The following PSMA8 variants were observed in gnomAD, a reference collection of about 807,000 sequenced individuals.
PSMA8 encodes the protein proteasome 20S subunit alpha 8.
A neutral mutation model predicts 32.4 loss-of-function variants in PSMA8; 18 were observed. That is an observed-to-expected ratio of 0.56 (90% CI 0.38 to 0.82). The LOEUF (loss-of-function observed/expected upper bound fraction) is 0.82, where lower values mean the gene tolerates loss of function less well. Among genes scored for constraint, PSMA8 ranks in the 40% least tolerant of loss-of-function variants. PSMA8 has a pLI of 0.00. For synonymous variants in PSMA8, 104 were observed against 98.1 expected (o/e 1.06, Z -0.36); for missense variants, 298 against 300.7 (o/e 0.99, Z 0.07).
chr18:26,173,400 G>GT (rs1345887662), intron 4 of PSMA8, among the ~76,000 whole-genome samples: 5 of 152,096 alleles, frequency 3.3e-5, no homozygotes, highest in Admixed American at 3.3e-4. Context: ...TTCTAGCACT[G>GT]TAGCCCATTC....
At chr18:26,149,332 C>T (rs746324788) in intron 2 of PSMA8, among the ~76,000 whole-genome samples, 5 of 152,098 alleles carry the variant, frequency 3.3e-5, no homozygotes, top group East Asian at 1.9e-4. Flanking sequence ...AAAGACATCC[C>T]GCATTCATGG....
chr18:26,161,253 G>A (rs889714629), intron 4 of PSMA8, among the ~76,000 whole-genome samples: 8 of 152,168 alleles, frequency 5.3e-5, no homozygotes, highest in African/African-American at 1.9e-4. Flanking sequence ...AGATTTACAA[G>A]TGGGCCATTA....
At chr18:26,151,699 C>A in intron 2 of PSMA8, 159 bp from the exon 3 acceptor site, 2 of 548,018 alleles carry the variant, frequency 3.6e-6, no homozygotes, top group Non-Finnish European at 6.0e-6. Context: ...GAATGTAGGA[C>A]AAATGACACT....
chr18:26,154,209 A>G (rs1027951661), intron 3 of PSMA8, among the ~76,000 whole-genome samples: 8 of 152,016 alleles, frequency 5.3e-5, no homozygotes, highest in Admixed American at 2.0e-4. Context: ...GTCAAATTTT[A>G]CCATTTGTTT....
intron 1 of PSMA8, among the ~76,000 whole-genome samples, chr18:26,139,007 T>A (rs2054934078): frequency 6.6e-6 from 1 of 152,168 alleles, no homozygotes; most frequent in South Asian, 2.1e-4. Flanking sequence ...CAGACAGACT[T>A]TAAAATGGCC....
At chr18:26,143,421 A>G (rs933080425) in intron 1 of PSMA8, among the ~76,000 whole-genome samples, 1 of 152,220 alleles carries the variant, frequency 6.6e-6, no homozygotes, top group Non-Finnish European at 1.5e-5. Flanking sequence ...AATAGGCTGC[A>G]GCCACCTGTG....
At chr18:26,175,276 C>T (rs981521979) in intron 4 of PSMA8, among the ~76,000 whole-genome samples, 7 of 152,102 alleles carry the variant, frequency 4.6e-5, no homozygotes, top group African/African-American at 1.7e-4. Flanking sequence ...GTCACATAGC[C>T]TCATGGGAAG....
At chr18:26,147,278 A>G (rs919121003) in intron 2 of PSMA8, among the ~76,000 whole-genome samples, 12 of 151,872 alleles carry the variant, frequency 7.9e-5, no homozygotes, top group African/African-American at 2.9e-4. Flanking sequence ...AATGGAATGG[A>G]ACTAGAAATT....
intron 2 of PSMA8, among the ~76,000 whole-genome samples, chr18:26,147,728 A>G (rs757960084): frequency 5.3e-5 from 8 of 152,150 alleles, no homozygotes; most frequent in Non-Finnish European, 1.0e-4. Flanking sequence ...ACATAGATAA[A>G]TAACAGAATA....
At chr18:26,187,684 A>G (rs929323153) in intron 6 of PSMA8, among the ~76,000 whole-genome samples, 1 of 152,194 alleles carries the variant, frequency 6.6e-6, no homozygotes, top group African/African-American at 2.4e-5. Context: ...AGAAGAGACA[A>G]AAAAGGTCAC....
In PSMA8 at chr18:26,192,820, C is replaced by T. The variant is rs1056213184; in HGVS notation, c.*409C>T. ...CAAATAAACTAAATATAATATTGAG[C>T]TGCATTTCTCAAAGAATGACAAAAG... On this transcript the variant is annotated 3_prime_UTR_variant, in exon 7 of 7. Coordinates refer to ENST00000415576, the MANE Select transcript of PSMA8 (RefSeq NM_001025096.2). The T allele has an allele frequency of 3.9e-5, 6 of 152,150 alleles. No homozygotes were observed. The highest frequency in any genetic ancestry group is 3.9e-4 in the Admixed American group (6 of 15,260). The allele number at this position is 152,150 out of a possible 1,614,324, so 9.4% of individuals were successfully genotyped here. A position where few individuals can be genotyped will look rare whatever the true frequency, so the allele number is the denominator to read the frequency against.
In PSMA8 at chr18:26,174,120, A is replaced by G. The variant is rs188321636; in HGVS notation, c.478-4710A>G. ...AAGCATTCAAGTTTCATTTTACAGCAAACACTAATCCTATATTTTAGAGTG... is the reference window on the plus strand; with the variant it reads ...AAGCATTCAAGTTTCATTTTACAGCGAACACTAATCCTATATTTTAGAGTG... On this transcript the variant is annotated intron_variant, in intron 4 of 6. Coordinates refer to ENST00000415576, the MANE Select transcript of PSMA8 (RefSeq NM_001025096.2). Among the ~76,000 whole-genome samples the G allele has an allele frequency of 1.3e-3, 202 of 152,330 alleles. 1 individual carries two copies. The highest frequency in any genetic ancestry group is 4.4e-3 in the African/African-American group (181 of 41,576).
intron 4 of PSMA8, among the ~76,000 whole-genome samples, chr18:26,174,491 T>G (rs1481369774): frequency 6.6e-6 from 1 of 152,228 alleles, no homozygotes; most frequent in Non-Finnish European, 1.5e-5. Flanking sequence ...TAAATAAAAT[T>G]AGCTCATAAA....
intron 4 of PSMA8, among the ~76,000 whole-genome samples, chr18:26,163,213 G>GTATATATATATATATA (rs58945617): frequency 1.4e-4 from 11 of 80,912 alleles, no homozygotes; most frequent in Non-Finnish European, 2.6e-4. Context: ...ATGTGTGTGT[G>GTATATATATATATATA]TATATATATA....
intron 4 of PSMA8, among the ~76,000 whole-genome samples, chr18:26,174,847 G>C (rs2055251751): frequency 6.6e-6 from 1 of 152,178 alleles, no homozygotes; most frequent in South Asian, 2.1e-4. Flanking sequence ...ATCTGGATCT[G>C]CTAAAAAGCA....
intron 2 of PSMA8, among the ~76,000 whole-genome samples, chr18:26,149,002 AT>A (rs566490497): frequency 6.6e-6 from 1 of 151,700 alleles, no homozygotes; most frequent in African/African-American, 2.4e-5. Context: ...GCACCTGGCA[AT>A]TTTTTTTAAT....
At position 26,193,011 on chromosome 18, in the gene PSMA8, T is replaced by A. The variant is rs1241601748; in HGVS notation, c.*600T>A. The A allele has an allele frequency of 1.3e-5, 2 of 152,234 alleles. No homozygotes were observed. Among genetic ancestry groups the A allele is most frequent in the Non-Finnish European group, 2.9e-5 (2 of 68,042 alleles). The allele number at this position is 152,234 out of a possible 1,614,324, so 9.4% of individuals were successfully genotyped here. A position where few individuals can be genotyped will look rare whatever the true frequency, so the allele number is the denominator to read the frequency against. Reference sequence around the variant, plus strand: ...TATTGTTTCGTTCATGGAACAAATATAGGCTGAATTCAAACATGCAATTAA... The same window carrying A: ...TATTGTTTCGTTCATGGAACAAATAAAGGCTGAATTCAAACATGCAATTAA... On this transcript the variant is annotated 3_prime_UTR_variant, in exon 7 of 7. Transcript: ENST00000415576.
At chr18:26,144,463 A>G in intron 1 of PSMA8, 96 bp from the exon 2 acceptor site, 1 of 1,009,616 alleles carries the variant, frequency 9.9e-7, no homozygotes, top group Non-Finnish European at 1.5e-6. Context: ...TGAATACTTA[A>G]GGAGAAGTCA....
chr18:26,182,958 G>T (rs1171086301), intron 6 of PSMA8, among the ~76,000 whole-genome samples: 1 of 151,948 alleles, frequency 6.6e-6, no homozygotes, highest in Non-Finnish European at 1.5e-5. Flanking sequence ...TGGGTGTGGT[G>T]GGGGGAATCT....
Sources: gnomAD v4.1 joint callset for allele counts (sites outside exome capture counted in the v4.1 genomes callset) on GRCh38, gnomAD v4.1.1 for gene constraint, MANE v1.5 for transcripts, NCBI Gene and HGNC (gene_info 2026-07-23, HGNC 2026-07-21) for gene names.